The following CRPPA variants were observed in gnomAD, a reference collection of about 807,000 sequenced individuals.
CRPPA encodes the protein CDP-L-ribitol pyrophosphorylase A.
In CRPPA, 43 loss-of-function variants were observed where a neutral mutation model predicts 52.0. That is an observed-to-expected ratio of 0.83 (90% CI 0.65 to 1.07). The LOEUF is 1.07. Among genes scored for constraint, CRPPA ranks in the 50% least tolerant of loss-of-function variants. The pLI is 0.00. For missense variants in CRPPA, 629 were observed against 551.7 expected (o/e 1.14, Z -1.40); for synonymous variants, 250 against 203.5 (o/e 1.23, Z -1.94).
chr7:16,167,010 G>C (rs1781081175), intron 9 of CRPPA, among the ~76,000 whole-genome samples: 1 of 150,808 alleles, frequency 6.6e-6, no homozygotes, highest in African/African-American at 2.4e-5. Context: ...CTCACTGCAA[G>C]CTCTGCCTCC....
intron 1 of CRPPA, among the ~76,000 whole-genome samples, chr7:16,418,588 G>A (rs1309512046): frequency 6.6e-6 from 1 of 152,112 alleles, no homozygotes; most frequent in African/African-American, 2.4e-5. Context: ...TCTTCACAAG[G>A]CAGCAGGAAG....
At chr7:16,170,793 C>T (rs1323362448) in intron 9 of CRPPA, among the ~76,000 whole-genome samples, 3 of 152,206 alleles carry the variant, frequency 2.0e-5, no homozygotes, top group African/African-American at 4.8e-5. Context: ...GCTGGGGGAC[C>T]TGGTGCACCC....
intron 9 of CRPPA, among the ~76,000 whole-genome samples, chr7:16,103,765 C>T (rs1782095303): frequency 6.6e-6 from 1 of 152,080 alleles, no homozygotes; most frequent in Non-Finnish European, 1.5e-5. Context: ...GCAATGGATA[C>T]AATTTCCAGA....
chr7:16,264,725 G>C (rs999120695), intron 6 of CRPPA, among the ~76,000 whole-genome samples: 1 of 152,210 alleles, frequency 6.6e-6, no homozygotes, highest in African/African-American at 2.4e-5. Context: ...CTTGTAGAGA[G>C]ATGTATTTTC....
intron 9 of CRPPA, chr7:16,209,053 G>T: frequency 2.4e-6 from 1 of 424,820 alleles, no homozygotes; most frequent in Non-Finnish European, 4.7e-6. Context: ...GTATGCCCAG[G>T]GGAAGTGGTG....
chr7:16,308,528 A>G lies in CRPPA; in HGVS notation c.784T>C (p.Trp262Arg). ...CAAGGTATCATCCCTCTTACCTTCCAGAGGTCAGGTGATCCTTCTACAAGT... is the reference window on the plus strand; with the variant it reads ...CAAGGTATCATCCCTCTTACCTTCCGGAGGTCAGGTGATCCTTCTACAAGT... ...AKLVEGSPDL[W>R]KVTYKRDLYA... is the part of the protein sequence containing the mutation. Residue 262 changes from tryptophan to arginine, a missense_variant, in exon 4 of 10, where the codon TGG (tryptophan) becomes CGG (arginine). Transcript: ENST00000407010. 6.3e-7 allele frequency: 1 copy of G among 1,578,578 alleles called. No individual in the cohort carries two copies. The highest frequency in any genetic ancestry group is 8.7e-7 in the Non-Finnish European group (1 of 1,150,332).
chr7:16,392,063 G>T (rs79793206), intron 2 of CRPPA, among the ~76,000 whole-genome samples: 3,814 of 152,180 alleles, frequency 0.025, 65 homozygotes, highest in East Asian at 0.13. Flanking sequence ...CCACTTAATA[G>T]CTGTGTTATT....
intron 1 of CRPPA, among the ~76,000 whole-genome samples, chr7:16,416,879 T>C (rs1788208176): frequency 6.6e-6 from 1 of 152,024 alleles, no homozygotes; most frequent in Non-Finnish European, 1.5e-5. Context: ...CAATTGAAAC[T>C]ATCAGAGTAA....
chr7:16,209,234 G>A lies in CRPPA; in HGVS notation c.1251+6832C>T, dbSNP rs540259155. 18 of 283,724 alleles carry A rather than the reference G, an allele frequency of 6.3e-5. 1 individual carries two copies. The East Asian group carries it at 1.7e-3, about 28-fold the overall frequency. 17.6% of individuals were successfully genotyped at this position (283,724 alleles called of 1,614,324 possible). A position where few individuals can be genotyped will look rare whatever the true frequency, so the allele number is the denominator to read the frequency against. ...TGCAAGCATTTTGAACTGGAAGGTG[G>A]TAAGAAGAGACACGGCCAAGTAATA... On this transcript the variant is annotated intron_variant, in intron 9 of 9. Coordinates refer to ENST00000407010, the MANE Select transcript of CRPPA (RefSeq NM_001101426.4).
At chr7:16,243,400 T>C (rs1222214950) in intron 8 of CRPPA, among the ~76,000 whole-genome samples, 3 of 152,196 alleles carry the variant, frequency 2.0e-5, no homozygotes, top group African/African-American at 7.2e-5. Flanking sequence ...ATCTGTAGAA[T>C]TCTGAGAACT....
intron 7 of CRPPA, among the ~76,000 whole-genome samples, 154 bp downstream of exon 7, chr7:16,258,766 G>T (rs1456621780): frequency 1.3e-5 from 2 of 151,964 alleles, no homozygotes; most frequent in Admixed American, 6.6e-5. Context: ...GAATTAGCTT[G>T]TTGAAAGTAT....
At chr7:16,209,907 C>T (rs963568885) in intron 9 of CRPPA, among the ~76,000 whole-genome samples, 3 of 152,158 alleles carry the variant, frequency 2.0e-5, no homozygotes, top group African/African-American at 4.8e-5. Flanking sequence ...AAAGCTATGG[C>T]TGAAGATGCC....
intron 2 of CRPPA, among the ~76,000 whole-genome samples, chr7:16,389,927 AAATATATATAT>A (rs1787396161): frequency 1.5e-5 from 1 of 67,690 alleles, no homozygotes; most frequent in Admixed American, 1.7e-4. Flanking sequence ...AAAAAAAAAA[AAATATATATAT>A]ATATATATAT....
chr7:16,178,525 T>G (rs1285177727), intron 9 of CRPPA, among the ~76,000 whole-genome samples: 1 of 152,120 alleles, frequency 6.6e-6, no homozygotes, highest in Admixed American at 6.6e-5. Context: ...AAGAAACAAA[T>G]GTAGTATTTA....
At chr7:16,108,946 G>A (rs1439880263) in intron 9 of CRPPA, among the ~76,000 whole-genome samples, 1 of 151,732 alleles carries the variant, frequency 6.6e-6, no homozygotes, top group African/African-American at 2.4e-5. Context: ...TTAGGAGAAA[G>A]TTTGTAATGA....
intron 3 of CRPPA, among the ~76,000 whole-genome samples, chr7:16,309,005 T>C (rs1359124764): frequency 2.0e-5 from 3 of 152,196 alleles, no homozygotes; most frequent in African/African-American, 7.2e-5. Context: ...TGTTGATAAA[T>C]ATATATCTAC....
At chr7:16,399,438 C>T (rs1001849452) in intron 2 of CRPPA, among the ~76,000 whole-genome samples, 2 of 152,044 alleles carry the variant, frequency 1.3e-5, no homozygotes, top group African/African-American at 4.8e-5. Flanking sequence ...ACAAGATTGG[C>T]ACATGTCCAA....
chr7:16,257,300 G>A (rs895151018), intron 8 of CRPPA, among the ~76,000 whole-genome samples: 4 of 152,084 alleles, frequency 2.6e-5, no homozygotes, highest in Non-Finnish European at 1.5e-5. Flanking sequence ...AATGTGGAGA[G>A]AGGAATAAAA....
At chr7:16,204,569 A>G (rs1306977434) in intron 9 of CRPPA, among the ~76,000 whole-genome samples, 1 of 152,118 alleles carries the variant, frequency 6.6e-6, no homozygotes. Flanking sequence ...AGACTTCACC[A>G]CTACACAACA....
Sources: allele counts gnomAD v4.1 joint callset (sites outside exome capture counted in the v4.1 genomes callset), GRCh38; gene constraint gnomAD v4.1.1; transcripts MANE v1.5; gene names NCBI Gene and HGNC (gene_info 2026-07-23, HGNC 2026-07-21).